Variants in COL2A1 observed in about 807,000 individuals in gnomAD.
The protein encoded by COL2A1 is collagen type II alpha 1 chain.
COL2A1 carries 28 observed loss-of-function variants against 204.5 expected under a neutral mutation model. The observed-to-expected ratio is 0.14, with a 90% CI of 0.10 to 0.19. The LOEUF (loss-of-function observed/expected upper bound fraction) is 0.19. COL2A1 is among the 10% of genes least tolerant of loss of function. The pLI is 1.00. For missense variants in COL2A1, 1,388 were observed against 2,027.5 expected (o/e 0.68, Z 6.06); for synonymous variants, 708 against 718.7 (o/e 0.99, Z 0.24).
rs747729726 is a variant in COL2A1 at position 47,987,032 on chromosome 12, A to T, written c.1365+46T>A. 1.9e-6 allele frequency: 3 copies of T among 1,594,858 alleles called. No individual in the cohort carries two copies. Among genetic ancestry groups the T allele is most frequent in the Admixed American group, 1.7e-5 (1 of 59,964 alleles). On this transcript the variant is annotated intron_variant, in intron 21 of 53. Coordinates refer to ENST00000380518, the MANE Select transcript of COL2A1 (RefSeq NM_001844.5). The surrounding 1 kb of genome is among the most constrained non-coding windows in gnomAD (Gnocchi z 4.1). Reference sequence around the variant, plus strand: ...TGGGAAAGAGGGGTGATGGGGTTTGACTCCAGAGATGTCAGTGGAACTTGG... The same window carrying T: ...TGGGAAAGAGGGGTGATGGGGTTTGTCTCCAGAGATGTCAGTGGAACTTGG...
At chr12:47,999,759 C>T (rs1281874660) in intron 2 of COL2A1, 160 bp downstream of exon 2, 1 of 615,204 alleles carries the variant, frequency 1.6e-6, no homozygotes, top group South Asian at 1.8e-5. Context: ...TCAGTTTCAA[C>T]CTGCAAGTGA....
upstream of COL2A1, chr12:48,005,905 T>C (rs1473789042): frequency 6.6e-6 from 1 of 152,262 alleles, no homozygotes; most frequent in African/African-American, 2.4e-5. Flanking sequence ...TAGCCTATCA[T>C]GCTTTGACAC....
chr12:48,005,079 A>G (rs1170488006), upstream of COL2A1, among the ~76,000 whole-genome samples: 1 of 151,948 alleles, frequency 6.6e-6, no homozygotes, highest in East Asian at 1.9e-4. Flanking sequence ...CCTGGTCCCC[A>G]GACTCCCACC....
Position 47,987,321 on chromosome 12 carries a change from G to T in COL2A1, c.1222-8C>A. On this transcript the variant is annotated splice_polypyrimidine_tract_variant and splice_region_variant and intron_variant, in intron 19 of 53. Coordinates refer to ENST00000380518, the MANE Select transcript of COL2A1 (RefSeq NM_001844.5). The surrounding 1 kb of genome is among the most constrained non-coding windows in gnomAD (Gnocchi z 4.1). ...ATCTGTTCCAGGGTTACCCTGAAAA[G>T]GGAGACATTGTCAAATAAGCAGCAA... The T allele has an allele frequency of 6.2e-7, 1 of 1,613,978 alleles. No individual in the cohort carries two copies.
chr12:48,004,049 A>T (rs1256575452), intron 1 of COL2A1, 188 bp downstream of exon 1: 3 of 612,044 alleles, frequency 4.9e-6, no homozygotes, highest in African/African-American at 3.7e-5. Context: ...ACCCTGGGAC[A>T]GAGTCCTTGA....
chr12:47,973,986 G>A (rs947547193), intron 53 of COL2A1, 103 bp downstream of exon 53: 1 of 1,547,302 alleles, frequency 6.5e-7, no homozygotes, highest in African/African-American at 1.4e-5. Context: ...TGCCTCTGAT[G>A]ATCCTGTCAC....
rs200819477 is a variant in COL2A1 at position 47,975,933 on chromosome 12, C to G, written c.3597+30G>C. The stretch of plus-strand genomic sequence containing the variant: ...AGCCTCCCGGATGGTAGGGACACCT[C>G]GACAGCAGGGAAGGAGTCAGGACAC... On this transcript the variant is annotated intron_variant, in intron 50 of 53. Transcript: ENST00000380518. 5.1e-4 allele frequency: 795 copies of G among 1,545,522 alleles called. 4 individuals are homozygous for G. Among genetic ancestry groups the G allele is most frequent in the Middle Eastern group, 2.2e-3 (13 of 5,934 alleles).
At chr12:47,981,540 A>AGGG (rs1939083945) in intron 36 of COL2A1, 144 bp from the exon 37 acceptor site, 3 of 896,050 alleles carry the variant, frequency 3.3e-6, no homozygotes, top group Non-Finnish European at 5.4e-6. Context: ...TGCAGCCCAT[A>AGGG]CCCGCACCCT....
In COL2A1 at chr12:47,999,938, A is replaced by C; in HGVS notation, c.273T>G (p.Thr91=). Residue 91 remains threonine, a synonymous_variant, in exon 2 of 54, where the codon ACT becomes ACG. Transcript: ENST00000380518. ...PFGECCPICP[T]DLATASGQPG... ...TACAACCACTGGCAGTGGCGAGGTC[A>C]GTTGGGCAGATGGGGCAGCACTCTC... 6.2e-7 allele frequency: 1 copy of C among 1,614,148 alleles called. No individual in the cohort carries two copies. Among genetic ancestry groups the C allele is most frequent in the South Asian group, 1.1e-5 (1 of 91,082 alleles).
intron 40 of COL2A1, among the ~76,000 whole-genome samples, 200 bp downstream of exon 40, chr12:47,979,809 C>T (rs1442105575): frequency 2.0e-5 from 3 of 152,194 alleles, no homozygotes; most frequent in African/African-American, 4.8e-5. Context: ...GGACAAGCCT[C>T]GGGCTGGGGA....
intron 28 of COL2A1, among the ~76,000 whole-genome samples, 171 bp from the exon 29 acceptor site, chr12:47,984,311 C>T (rs1939264254): frequency 6.6e-6 from 1 of 152,190 alleles, no homozygotes; most frequent in South Asian, 2.1e-4. Flanking sequence ...CCCGTCTTTT[C>T]TTAGCTGTTC....
chr12:48,005,405 G>A (rs1295480379), upstream of COL2A1: 1 of 152,392 alleles, frequency 6.6e-6, no homozygotes, highest in African/African-American at 2.4e-5. Context: ...CCCGGGGAGT[G>A]GGCACTGCCG....
intron 1 of COL2A1, among the ~76,000 whole-genome samples, chr12:48,001,322 C>A (rs1427768580): frequency 6.6e-6 from 1 of 152,256 alleles, no homozygotes; most frequent in Non-Finnish European, 1.5e-5. Flanking sequence ...GATAAACTTT[C>A]CTTTTTACTT....
chr12:47,979,154 C>T (rs1023023860), intron 41 of COL2A1, among the ~76,000 whole-genome samples: 2 of 152,136 alleles, frequency 1.3e-5, no homozygotes, highest in Admixed American at 6.5e-5. Flanking sequence ...ATCACCACTG[C>T]TCCCTCCATG....
At chr12:47,986,922 C>G in intron 21 of COL2A1, 34 bp from the exon 22 acceptor site, 2 of 1,613,778 alleles carry the variant, frequency 1.2e-6, no homozygotes, top group Non-Finnish European at 1.7e-6. Flanking sequence ...ACACCAGATT[C>G]TCTCCAGGGA....
intron 23 of COL2A1, 49 bp downstream of exon 23, chr12:47,986,287 C>T (rs1307809702): frequency 2.8e-5 from 35 of 1,250,284 alleles, no homozygotes; most frequent in Non-Finnish European, 3.9e-5. Flanking sequence ...CTCCACTTCC[C>T]TCTCGAGGTC....
At chr12:47,989,675 C>G in intron 17 of COL2A1, 86 bp downstream of exon 17, 2 of 1,187,458 alleles carry the variant, frequency 1.7e-6, no homozygotes, top group Non-Finnish European at 2.5e-6. Flanking sequence ...GTGGTTGCAC[C>G]CAATACACCC....
intron 41 of COL2A1, 119 bp downstream of exon 41, chr12:47,979,392 G>T (rs750210706): frequency 5.1e-5 from 54 of 1,049,742 alleles, no homozygotes; most frequent in Non-Finnish European, 7.9e-5. Flanking sequence ...TACTCCTCCA[G>T]GGGGCAGGAA....
At chr12:47,998,517 A>T in intron 2 of COL2A1, 86 bp from the exon 3 acceptor site, 1 of 1,373,308 alleles carries the variant, frequency 7.3e-7, no homozygotes, top group South Asian at 1.3e-5. Flanking sequence ...CACTCATTAG[A>T]TCAAACAAGT....
Sources: allele counts gnomAD v4.1 joint callset (sites outside exome capture counted in the v4.1 genomes callset), GRCh38; gene constraint gnomAD v4.1.1; non-coding constraint Gnocchi (gnomAD v3.1); transcripts MANE v1.5; gene names NCBI Gene and HGNC (gene_info 2026-07-23, HGNC 2026-07-21).